Variants in GXYLT2 observed in about 807,000 individuals in gnomAD.
The protein encoded by GXYLT2 is glycosyltransferase 8 domain containing 4.
Under a neutral mutation model 45.8 loss-of-function variants are expected in GXYLT2, and 53 were observed. That is an observed-to-expected ratio of 1.16 (90% CI 0.93 to 1.46). The LOEUF (loss-of-function observed/expected upper bound fraction) is 1.46, where lower values mean the gene tolerates loss of function less well. GXYLT2 is among the 40% of genes most tolerant of loss of function. GXYLT2 has a pLI of 0.00. For missense variants in GXYLT2, 551 were observed against 544.4 expected (o/e 1.01, Z -0.12); for synonymous variants, 219 against 214.2 (o/e 1.02, Z -0.19).
chr3:72,915,986 A>G (rs960426026), intron 2 of GXYLT2, among the ~76,000 whole-genome samples: 2 of 151,992 alleles, frequency 1.3e-5, no homozygotes, highest in East Asian at 1.9e-4. Context: ...CTTCGTGGTC[A>G]TTATTAGATG....
chr3:72,920,014 A>T (rs1371006165), intron 2 of GXYLT2, among the ~76,000 whole-genome samples: 1 of 152,212 alleles, frequency 6.6e-6, no homozygotes, highest in African/African-American at 2.4e-5. Context: ...TATAAATAAT[A>T]GGGGAAACTG....
intron 1 of GXYLT2, among the ~76,000 whole-genome samples, chr3:72,898,221 G>A (rs890837791): frequency 4.6e-5 from 7 of 152,128 alleles, no homozygotes; most frequent in Non-Finnish European, 1.0e-4. Context: ...TAGGAAGCTG[G>A]AAATTAGTTG....
At position 72,967,547 on chromosome 3, in the gene GXYLT2, A is replaced by T; in HGVS notation, c.977A>T (p.Glu326Val). The change falls in exon 6 of 7, where the codon GAG (glutamate) becomes GTG (valine). Residue 326 changes from glutamate (E) to valine (V), a missense_variant and splice_region_variant. Coordinates refer to ENST00000389617, the MANE Select transcript of GXYLT2 (RefSeq NM_001080393.2). Reference protein sequence around the residue: ...LLNIIFYFNPECLYVFPCQWN... With the variant: ...LLNIIFYFNPVCLYVFPCQWN... ...TATGTCTTTCTCTTTTTACCACCAG[A>T]GTGTCTCTATGTATTCCCCTGCCAG... 6.2e-7 allele frequency: 1 copy of T among 1,612,834 alleles called. No individual in the cohort carries two copies.
chr3:72,973,448 A>G (rs1437991315), intron 6 of GXYLT2, among the ~76,000 whole-genome samples: 1 of 152,200 alleles, frequency 6.6e-6, no homozygotes, highest in African/African-American at 2.4e-5. Context: ...AGGAGTTGGA[A>G]TCTCATTCTA....
chr3:72,938,997 CTT>C (rs1173607944), intron 3 of GXYLT2, among the ~76,000 whole-genome samples: 1 of 152,174 alleles, frequency 6.6e-6, no homozygotes, highest in Non-Finnish European at 1.5e-5. Context: ...ACACCCTGCT[CTT>C]TGTTAGAACG....
chr3:72,921,091 G>A (rs1407465280), intron 2 of GXYLT2, among the ~76,000 whole-genome samples: 1 of 151,896 alleles, frequency 6.6e-6, no homozygotes, highest in African/African-American at 2.4e-5. Flanking sequence ...AAAGTGCTGA[G>A]ATTACAGGTG....
chr3:72,936,643 A>AAAC (rs780239914), intron 3 of GXYLT2, among the ~76,000 whole-genome samples: 1 of 135,978 alleles, frequency 7.4e-6, no homozygotes, highest in Non-Finnish European at 1.5e-5. Flanking sequence ...CCATCTCAAA[A>AAAC]AACAACAACA....
In GXYLT2 at chr3:72,975,546, C is replaced by G. The variant is rs940327363; in HGVS notation, c.*387C>G. 18 of 163,028 alleles carry G rather than the reference C, an allele frequency of 1.1e-4. No individual in the cohort carries two copies. The highest frequency in any genetic ancestry group is 7.9e-5 in the Non-Finnish European group (6 of 75,696). The allele number at this position is 163,028 out of a possible 1,614,324, so 10.1% of individuals were successfully genotyped here. A position where few individuals can be genotyped will look rare whatever the true frequency, so the allele number is the denominator to read the frequency against. ...TTTCTATGCAACTGACTCCCCCACA[C>G]CCGTGTTATAAAAGTAATACACACT... On this transcript the variant is annotated 3_prime_UTR_variant, in exon 7 of 7. Transcript: ENST00000389617.
intron 1 of GXYLT2, among the ~76,000 whole-genome samples, chr3:72,905,701 C>T (rs528262779): frequency 2.0e-5 from 3 of 152,284 alleles, no homozygotes; most frequent in African/African-American, 7.2e-5. Context: ...CTCTATGTTG[C>T]CAAATGGCTC....
intron 1 of GXYLT2, among the ~76,000 whole-genome samples, chr3:72,890,040 C>T (rs1011068050): frequency 6.6e-6 from 1 of 151,970 alleles, no homozygotes; most frequent in Admixed American, 6.6e-5. Context: ...TGTGCCTCAG[C>T]CTGCCAGGTA....
At chr3:72,895,595 G>GA (rs1304657963) in intron 1 of GXYLT2, among the ~76,000 whole-genome samples, 4 of 151,372 alleles carry the variant, frequency 2.6e-5, no homozygotes, top group Middle Eastern at 3.2e-3. Context: ...TCACTGTAAA[G>GA]AAAAAAAAGA....
intron 2 of GXYLT2, among the ~76,000 whole-genome samples, chr3:72,912,248 A>G (rs55723323): frequency 0.25 from 38,013 of 151,710 alleles, 8,862 homozygotes; most frequent in African/African-American, 0.62. Flanking sequence ...GACCTCAAGT[A>G]ATCTACCTGC....
At chr3:72,892,099 G>A (rs1709193520) in intron 1 of GXYLT2, among the ~76,000 whole-genome samples, 1 of 152,174 alleles carries the variant, frequency 6.6e-6, no homozygotes, top group Non-Finnish European at 1.5e-5. Context: ...CTAGTCCAAA[G>A]CCATTTCACC....
chr3:72,965,468 C>T (rs1244201543), intron 5 of GXYLT2, among the ~76,000 whole-genome samples: 1 of 152,182 alleles, frequency 6.6e-6, no homozygotes, highest in African/African-American at 2.4e-5. Flanking sequence ...CAGGGTCTTT[C>T]TCATGATCAG....
intron 1 of GXYLT2, 102 bp downstream of exon 1, chr3:72,888,610 C>A: frequency 1.2e-6 from 1 of 825,836 alleles, no homozygotes; most frequent in Non-Finnish European, 1.5e-6. Context: ...GACAGATTTC[C>A]AAGTTTCACC....
chr3:72,892,610 CAT>C (rs1709203345), intron 1 of GXYLT2, among the ~76,000 whole-genome samples: 1 of 152,200 alleles, frequency 6.6e-6, no homozygotes, highest in Non-Finnish European at 1.5e-5. Context: ...TGAAAGGAAG[CAT>C]GTGTCTCATC....
chr3:72,901,821 A>C (rs1709415422), intron 1 of GXYLT2, among the ~76,000 whole-genome samples: 1 of 151,802 alleles, frequency 6.6e-6, no homozygotes, highest in Non-Finnish European at 1.5e-5. Flanking sequence ...TCAGCCTCCC[A>C]AAGTGCTGGG....
chr3:72,925,581 T>C (rs1418358528), intron 3 of GXYLT2, among the ~76,000 whole-genome samples: 4 of 152,172 alleles, frequency 2.6e-5, no homozygotes, highest in African/African-American at 9.7e-5. Context: ...GATTACTCTT[T>C]GAGGTGAGAG....
intron 1 of GXYLT2, among the ~76,000 whole-genome samples, chr3:72,901,464 A>C (rs1321636718): frequency 1.6e-5 from 2 of 128,242 alleles, no homozygotes; most frequent in African/African-American, 6.4e-5. Context: ...ACTCTGCATC[A>C]AAAGAAAAAA....
Sources: allele counts gnomAD v4.1 joint callset (sites outside exome capture counted in the v4.1 genomes callset), GRCh38; gene constraint gnomAD v4.1.1; transcripts MANE v1.5; gene names NCBI Gene and HGNC (gene_info 2026-07-23, HGNC 2026-07-21).